The following IFTAP variants were observed in gnomAD, a reference collection of about 807,000 sequenced individuals.
IFTAP encodes intraflagellar transport associated protein, also known as intraflagellar transport-associated protein.
IFTAP carries 19 observed loss-of-function variants against 19.4 expected under a neutral mutation model. The ratio of observed to expected loss-of-function variants is 0.98; its 90% CI spans 0.68 to 1.44. The LOEUF is 1.44. IFTAP is among the 40% of genes most tolerant of loss of function. The probability of loss-of-function intolerance (pLI) is 0.00; values close to 1 mark genes in which losing one functional copy is unlikely to be tolerated. For missense variants in IFTAP, 240 were observed against 253.6 expected, an observed-to-expected ratio of 0.95 and a Z score of 0.36; for synonymous variants, 85 against 83.5, an observed-to-expected ratio of 1.02 and a Z score of -0.10.
intron 2 of IFTAP, among the ~76,000 whole-genome samples, chr11:36,623,793 G>A (rs929037159): frequency 1.1e-4 from 16 of 152,210 alleles, no homozygotes; most frequent in Admixed American, 5.9e-4. Context: ...CAATCATTTC[G>A]CTGTTTCTGG....
At chr11:36,654,458 T>C (rs979409371) in intron 5 of IFTAP, among the ~76,000 whole-genome samples, 1 of 152,148 alleles carries the variant, frequency 6.6e-6, no homozygotes, top group African/African-American at 2.4e-5. Context: ...TGTCCATCAA[T>C]GATCTCCTGT....
chr11:36,601,252 GT>G (rs892987651), intron 1 of IFTAP, among the ~76,000 whole-genome samples: 76 of 152,180 alleles, frequency 5.0e-4, no homozygotes, highest in Non-Finnish European at 6.8e-4. Flanking sequence ...GATAAATTGT[GT>G]TGGAAAGGTA....
At chr11:36,625,237 A>C (rs1002485284) in intron 2 of IFTAP, among the ~76,000 whole-genome samples, 18 of 152,140 alleles carry the variant, frequency 1.2e-4, no homozygotes, top group African/African-American at 3.9e-4. Flanking sequence ...GGATTAAATA[A>C]AAAATATATA....
chr11:36,656,580 T>G (rs1199995704), intron 5 of IFTAP, among the ~76,000 whole-genome samples: 1 of 151,240 alleles, frequency 6.6e-6, no homozygotes, highest in Non-Finnish European at 1.5e-5. Context: ...AAAAAAAAAA[T>G]AGAAGAGTAA....
At chr11:36,626,270 C>T (rs957764573) in intron 2 of IFTAP, among the ~76,000 whole-genome samples, 9 of 151,314 alleles carry the variant, frequency 5.9e-5, no homozygotes, top group Admixed American at 3.3e-4. Flanking sequence ...TCCTCACCCA[C>T]GTACTTAATC....
intron 1 of IFTAP, among the ~76,000 whole-genome samples, chr11:36,601,596 AT>A (rs1470371365): frequency 6.6e-6 from 1 of 152,152 alleles, no homozygotes; most frequent in Non-Finnish European, 1.5e-5. Context: ...GAAATACTTT[AT>A]TTTTAGAGAA....
At chr11:36,630,395 T>C (rs1056828404) in intron 2 of IFTAP, among the ~76,000 whole-genome samples, 6 of 151,328 alleles carry the variant, frequency 4.0e-5, no homozygotes. Flanking sequence ...AATGAACAAG[T>C]TCTTTTCTAC....
intron 1 of IFTAP, 99 bp from the exon 2 acceptor site, chr11:36,609,982 T>A: frequency 9.3e-7 from 1 of 1,077,934 alleles, no homozygotes; most frequent in South Asian, 1.4e-5. Flanking sequence ...TTGATCTTTG[T>A]TTTGGAGCCT....
chr11:36,595,911 G>C (rs1851207586), intron 1 of IFTAP, among the ~76,000 whole-genome samples: 3 of 152,192 alleles, frequency 2.0e-5, no homozygotes, highest in Admixed American at 1.3e-4. Flanking sequence ...TGAACTAAAA[G>C]AATTGGATAA....
intron 2 of IFTAP, among the ~76,000 whole-genome samples, chr11:36,621,273 G>A (rs1207805503): frequency 6.6e-6 from 1 of 151,898 alleles, no homozygotes; most frequent in African/African-American, 2.4e-5. Context: ...TCTTTTAGCC[G>A]TGAAACAATA....
At position 36,610,234 on chromosome 11, in the gene IFTAP, C is replaced by G. The variant is rs1217678150; in HGVS notation, c.131C>G (p.Ser44Ter). 1 of 1,605,054 alleles carries G rather than the reference C, an allele frequency of 6.2e-7. No homozygotes were observed. Among genetic ancestry groups the G allele is most frequent in the Admixed American group, 1.7e-5 (1 of 59,110 alleles). Reference sequence around the variant, plus strand: ...TTTCTGAACACTTTTACTCATCTTTCACAAGGTAAAATGGAGAAGTAAACT... The same window carrying G: ...TTTCTGAACACTTTTACTCATCTTTGACAAGGTAAAATGGAGAAGTAAACT... ...EEFLNTFTHL[S>*]QEDHVSKRGV... The change falls in exon 2 of 6, where the codon TCA becomes TGA. Residue 44 changes from serine (S) to a stop codon, truncating the protein, a stop_gained. Transcript: ENST00000334307. LOFTEE classifies it high-confidence loss of function.
intron 2 of IFTAP, among the ~76,000 whole-genome samples, chr11:36,612,758 T>G (rs1851922712): frequency 6.6e-6 from 1 of 152,102 alleles, no homozygotes; most frequent in African/African-American, 2.4e-5. Context: ...TACACCAGAA[T>G]GCTTATGGGA....
Position 36,648,013 on chromosome 11 carries a change from C to T in IFTAP, c.359-3C>T. 1 of 1,612,054 alleles carries T rather than the reference C, an allele frequency of 6.2e-7. No homozygotes were observed. On this transcript the variant is annotated splice_polypyrimidine_tract_variant and splice_region_variant and intron_variant, in intron 4 of 5. Transcript: ENST00000334307. Reference sequence around the variant, plus strand: ...CTCAGTTGAAATGTTTTGTATCCAACAGATTTGCTGCTGCTTCCAGGAGAA... The same window carrying T: ...CTCAGTTGAAATGTTTTGTATCCAATAGATTTGCTGCTGCTTCCAGGAGAA...
chr11:36,659,196 G>C lies in IFTAP; in HGVS notation c.*10G>C. 6.4e-7 allele frequency: 1 copy of C among 1,555,990 alleles called. No homozygotes were observed. The highest frequency in any genetic ancestry group is 8.7e-7 in the Non-Finnish European group (1 of 1,154,896). On this transcript the variant is annotated 3_prime_UTR_variant, in exon 6 of 6. Coordinates refer to ENST00000334307, the MANE Select transcript of IFTAP (RefSeq NM_138787.4). ...GAAATCCTGTGACTGATTCACAGAG[G>C]CATTTTGTGTGTGTGTGCTTATTTT...
chr11:36,623,995 G>A (rs1171960781), intron 2 of IFTAP, among the ~76,000 whole-genome samples: 1 of 148,640 alleles, frequency 6.7e-6, no homozygotes, highest in Non-Finnish European at 1.5e-5. Flanking sequence ...ATATATGTGT[G>A]TATATATATA....
chr11:36,654,585 A>C (rs566127745), intron 5 of IFTAP, among the ~76,000 whole-genome samples: 1 of 152,120 alleles, frequency 6.6e-6, no homozygotes, highest in Non-Finnish European at 1.5e-5. Flanking sequence ...AGTTCTTCCC[A>C]GCCTACATAC....
chr11:36,634,026 A>G (rs11033727), intron 3 of IFTAP, among the ~76,000 whole-genome samples: 23,452 of 152,126 alleles, frequency 0.15, 2,609 homozygotes, highest in African/African-American at 0.31. Context: ...TATTGTGGAC[A>G]GAATTGTATA....
chr11:36,613,164 A>G (rs1370087993), intron 2 of IFTAP, among the ~76,000 whole-genome samples: 1 of 152,104 alleles, frequency 6.6e-6, no homozygotes, highest in Admixed American at 6.6e-5. Context: ...GCAGATTTTT[A>G]AAATAATTGG....
Position 36,653,963 on chromosome 11 carries a change from C to T in IFTAP, c.499-5056C>T, listed in dbSNP as rs61378505. The stretch of plus-strand genomic sequence containing the variant: ...TCTGTCTTTTCTATTTGTTCATTCC[C>T]GTCAACATGTAAACGTGTTTAAGTC... On this transcript the variant is annotated intron_variant, in intron 5 of 5. Coordinates refer to ENST00000334307, the MANE Select transcript of IFTAP (RefSeq NM_138787.4). Among the ~76,000 whole-genome samples, 955 of 152,210 alleles carry T rather than the reference C, an allele frequency of 6.3e-3. 11 individuals carry two copies. The highest frequency in any genetic ancestry group is 0.022 in the African/African-American group (924 of 41,526).
Sources: gnomAD v4.1 joint callset for allele counts (sites outside exome capture counted in the v4.1 genomes callset) on GRCh38, gnomAD v4.1.1 for gene constraint, MANE v1.5 for transcripts, NCBI Gene and HGNC (gene_info 2026-07-23, HGNC 2026-07-21) for gene names.